TNIK: variants seen among roughly 807,000 people sequenced by gnomAD.
TNIK encodes TRAF2 and NCK-interacting protein kinase.
A neutral mutation model predicts 191.3 loss-of-function variants in TNIK; 49 were observed. The observed-to-expected ratio is 0.26, with a 90% CI of 0.20 to 0.32. The LOEUF is 0.32. TNIK is among the 10% of genes least tolerant of loss of function. The probability of loss-of-function intolerance (pLI) is 1.00; values close to 1 mark genes in which losing one functional copy is unlikely to be tolerated. For synonymous variants in TNIK, 594 were observed against 600.9 expected (o/e 0.99, Z 0.17); for missense variants, 1,155 against 1,702.3 (o/e 0.68, Z 5.66).
chr3:171,273,299 G>A (rs954347238), intron 2 of TNIK, among the ~76,000 whole-genome samples: 7 of 152,180 alleles, frequency 4.6e-5, no homozygotes, highest in African/African-American at 1.7e-4. Flanking sequence ...CCATAGTCTT[G>A]GGCCATGGAG....
intron 28 of TNIK, among the ~76,000 whole-genome samples, chr3:171,072,615 T>C (rs368832855): frequency 2.0e-5 from 3 of 152,026 alleles, no homozygotes; most frequent in African/African-American, 4.8e-5. Flanking sequence ...AGCATCCAAA[T>C]TGGAAAAGAG....
intron 22 of TNIK, among the ~76,000 whole-genome samples, chr3:171,098,580 A>G (rs1723032634): frequency 6.6e-6 from 1 of 152,204 alleles, no homozygotes; most frequent in Admixed American, 6.5e-5. Context: ...TTTAAACATC[A>G]GAAACCACAG....
At chr3:171,235,775 G>A (rs1157363729) in intron 2 of TNIK, among the ~76,000 whole-genome samples, 3 of 151,470 alleles carry the variant, frequency 2.0e-5, no homozygotes. Flanking sequence ...TGGTGGGGGG[G>A]GGGTTTATAG....
At chr3:171,211,001 G>T in intron 4 of TNIK, 115 bp downstream of exon 4, 1 of 1,300,316 alleles carries the variant, frequency 7.7e-7, no homozygotes, top group Non-Finnish European at 1.1e-6. Flanking sequence ...GACATCATGG[G>T]GGCTAATGGT....
At chr3:171,360,087 C>G (rs1298256501) in intron 2 of TNIK, among the ~76,000 whole-genome samples, 4 of 152,154 alleles carry the variant, frequency 2.6e-5, no homozygotes, top group Admixed American at 2.0e-4. Flanking sequence ...TACTTCAAAT[C>G]AAAATTGAGC....
chr3:171,367,527 T>C (rs895032284), intron 2 of TNIK, among the ~76,000 whole-genome samples: 11 of 151,310 alleles, frequency 7.3e-5, no homozygotes, highest in African/African-American at 2.7e-4. Context: ...TGGAGTGCAG[T>C]GGCAAGATAT....
At chr3:171,091,801 T>A (rs1346553255) in intron 23 of TNIK, among the ~76,000 whole-genome samples, 2 of 152,022 alleles carry the variant, frequency 1.3e-5, no homozygotes, top group African/African-American at 4.8e-5. Flanking sequence ...TCTCTTTCTC[T>A]GGAGAACCCC....
At chr3:171,289,901 CAAAAAAAAAAAA>C (rs143704401) in intron 2 of TNIK, among the ~76,000 whole-genome samples, 2 of 77,856 alleles carry the variant, frequency 2.6e-5, no homozygotes, top group East Asian at 4.7e-4. Context: ...GACTCCGTCT[CAAAAAAAAAAAA>C]AAAAAAAAAG....
chr3:171,067,387 A>G (rs770901006), intron 30 of TNIK, among the ~76,000 whole-genome samples: 28 of 152,260 alleles, frequency 1.8e-4, no homozygotes, highest in Non-Finnish European at 3.1e-4. Context: ...AAAAATCATT[A>G]TTGCCGCACA....
intron 15 of TNIK, among the ~76,000 whole-genome samples, chr3:171,136,070 T>A (rs1044428913): frequency 6.6e-6 from 1 of 152,194 alleles, no homozygotes; most frequent in Non-Finnish European, 1.5e-5. Flanking sequence ...TGTTTCATGC[T>A]TTTCCCCCTC....
At chr3:171,245,365 G>A (rs1039997199) in intron 2 of TNIK, among the ~76,000 whole-genome samples, 1 of 152,042 alleles carries the variant, frequency 6.6e-6, no homozygotes, top group African/African-American at 2.4e-5. Flanking sequence ...CTTCAGGAAT[G>A]GGCTGATAAA....
intron 18 of TNIK, among the ~76,000 whole-genome samples, chr3:171,121,078 A>C (rs1473976735): frequency 6.6e-6 from 1 of 152,198 alleles, no homozygotes; most frequent in Non-Finnish European, 1.5e-5. Context: ...TACTGCATCC[A>C]TTTTAACTTT....
intron 2 of TNIK, among the ~76,000 whole-genome samples, chr3:171,230,383 G>A (rs989666680): frequency 2.2e-4 from 33 of 152,178 alleles, no homozygotes; most frequent in African/African-American, 6.8e-4. Context: ...TAGGGGAAAC[G>A]TAGGCAAATA....
chr3:171,436,490 G>A (rs922056689), intron 1 of TNIK, among the ~76,000 whole-genome samples: 1 of 152,208 alleles, frequency 6.6e-6, no homozygotes, highest in African/African-American at 2.4e-5. Context: ...TTTCATAGGT[G>A]TAGAAAAGTG....
intron 7 of TNIK, among the ~76,000 whole-genome samples, chr3:171,184,413 C>G (rs1257184441): frequency 6.6e-6 from 1 of 152,212 alleles, no homozygotes; most frequent in Non-Finnish European, 1.5e-5. Flanking sequence ...GAATAGCTCA[C>G]TCTCTTCCCC....
intron 12 of TNIK, among the ~76,000 whole-genome samples, chr3:171,147,571 C>T (rs1176761449): frequency 6.6e-6 from 1 of 152,134 alleles, no homozygotes; most frequent in Non-Finnish European, 1.5e-5. Context: ...GATGAGGAAG[C>T]AGTCTGGCAC....
chr3:171,396,720 A>C (rs988156601), intron 1 of TNIK, among the ~76,000 whole-genome samples: 5 of 152,214 alleles, frequency 3.3e-5, no homozygotes, highest in African/African-American at 1.2e-4. Context: ...CTAGCAGTTA[A>C]AGAAAGCCAG....
chr3:171,321,891 C>T (rs1223181286), intron 2 of TNIK, among the ~76,000 whole-genome samples: 1 of 152,162 alleles, frequency 6.6e-6, no homozygotes, highest in Admixed American at 6.5e-5. Flanking sequence ...ATGTCAGTTC[C>T]AATTTAACCA....
chr3:171,098,456 G>A (rs1344764248), intron 22 of TNIK, among the ~76,000 whole-genome samples: 1 of 152,118 alleles, frequency 6.6e-6, no homozygotes, highest in South Asian at 2.1e-4. Flanking sequence ...GAGGAATTGG[G>A]AAATACTGCA....
Sources: allele counts gnomAD v4.1 joint callset (sites outside exome capture counted in the v4.1 genomes callset), GRCh38; gene constraint gnomAD v4.1.1; transcripts MANE v1.5; gene names NCBI Gene and HGNC (gene_info 2026-07-23, HGNC 2026-07-21).